HECTD4: variants seen among roughly 807,000 people sequenced by gnomAD.
HECTD4 encodes the protein probable E3 ubiquitin-protein ligase HECTD4.
HECTD4 carries 114 observed loss-of-function variants against 471.5 expected under a neutral mutation model. The observed-to-expected ratio is 0.24, with a 90% CI of 0.21 to 0.28. The LOEUF is 0.28. HECTD4 is among the 10% of genes least tolerant of loss of function. HECTD4 has a pLI of 1.00. For synonymous variants in HECTD4, 2,012 were observed against 2,256.0 expected, an observed-to-expected ratio of 0.89 and a Z score of 3.07; for missense variants, 3,866 against 5,651.5, an observed-to-expected ratio of 0.68 and a Z score of 10.13.
At chr12:112,259,002 G>T in intron 19 of HECTD4, 110 bp downstream of exon 19, 3 of 931,108 alleles carry the variant, frequency 3.2e-6, no homozygotes, top group East Asian at 2.7e-5. Context: ...ATTTCCCTTG[G>T]TTTCTGAAAG....
At chr12:112,218,541 C>G (rs2032997814) in intron 45 of HECTD4, among the ~76,000 whole-genome samples, 1 of 152,146 alleles carries the variant, frequency 6.6e-6, no homozygotes, top group South Asian at 2.1e-4. Context: ...CTTTCACTTA[C>G]TGTAATTTCA....
chr12:112,201,473 GA>G (rs59104653), intron 54 of HECTD4: 14,982 of 145,500 alleles, frequency 0.1, 1,940 homozygotes, highest in East Asian at 0.62. Flanking sequence ...GCCAATTACT[GA>G]AAAAAAAAAA....
rs2135686395 is a variant in HECTD4, at chr12:112,309,629, G to A, written c.957C>T (p.Tyr319=). 6.5e-7 allele frequency: 1 copy of A among 1,534,848 alleles called. No homozygotes were observed. Among genetic ancestry groups the A allele is most frequent in the African/African-American group, 1.4e-5 (1 of 73,100 alleles). ...TTCCAACTGAGTTAGTAGTATACAG[G>A]TAAAGACCATCTGCCGTGAGACAGC... is the stretch of plus-strand genomic sequence containing the variant. ...LGRCLTADGL[Y]LYTTNSVGRG... is the part of the protein sequence containing the mutation. The change falls in exon 5 of 76, where the codon TAC becomes TAT. Residue 319 remains tyrosine (Y), a synonymous_variant. Transcript: ENST00000682272.
rs1414685415 is a variant in HECTD4, at chr12:112,173,015, C to T, written c.11595-154G>A. On this transcript the variant is annotated intron_variant, in intron 66 of 75. Coordinates refer to ENST00000682272, the MANE Select transcript of HECTD4 (RefSeq NM_001388303.1). The surrounding 1 kb of genome is among the most constrained non-coding windows in gnomAD (Gnocchi z 4.3). Reference sequence around the variant, plus strand: ...TTGTTTCTTGGTGCCTGGACAGCTCCTCATGGGGAAAGCTCTTTCAAAAGA... The same window carrying T: ...TTGTTTCTTGGTGCCTGGACAGCTCTTCATGGGGAAAGCTCTTTCAAAAGA... Among the ~76,000 whole-genome samples the T allele has an allele frequency of 6.6e-6, 1 of 152,136 alleles. No individual in the cohort carries two copies. Among genetic ancestry groups the T allele is most frequent in the East Asian group, 1.9e-4 (1 of 5,178 alleles).
Position 112,228,029 on chromosome 12 carries a change from C to A in HECTD4, c.6854+60G>T. On this transcript the variant is annotated intron_variant, in intron 43 of 75. Transcript: ENST00000682272. The surrounding 1 kb of genome is among the most constrained non-coding windows in gnomAD (Gnocchi z 4.9). ...GGGAGTGGAGGGGCCCACCAAGGAT[C>A]CCTTCTTCTGTCAGCTTGCACCATG... The A allele has an allele frequency of 6.8e-7, 1 of 1,467,698 alleles. No homozygotes were observed. Among genetic ancestry groups the A allele is most frequent in the Non-Finnish European group, 9.1e-7 (1 of 1,100,772 alleles). 90.9% of individuals were successfully genotyped at this position (1,467,698 alleles called of 1,614,324 possible).
intron 20 of HECTD4, among the ~76,000 whole-genome samples, chr12:112,258,183 C>A: frequency 7.1e-6 from 1 of 141,730 alleles, no homozygotes; most frequent in Non-Finnish European, 1.5e-5. Context: ...AACAAGGCTC[C>A]ATCTCAGAAA....
chr12:112,231,546 G>A lies in HECTD4; in HGVS notation c.6167C>T (p.Ser2056Phe). ...TGDKKKTAQT[S>F]ICRERNSELA... ...CTCCGAGTTCCTCTCTCGGCAAATGGAAGTTTGGGCAGTTTTCTTTTTGTC... is the reference window on the plus strand; with the variant it reads ...CTCCGAGTTCCTCTCTCGGCAAATGAAAGTTTGGGCAGTTTTCTTTTTGTC... The change falls in exon 39 of 76, where the codon TCC becomes TTC. Residue 2056 changes from serine to phenylalanine, a missense_variant. By Grantham distance (155) the Ser-to-Phe change is radical (BLOSUM62 -2). Coordinates refer to ENST00000682272, the MANE Select transcript of HECTD4 (RefSeq NM_001388303.1). The A allele has an allele frequency of 6.2e-7, 1 of 1,614,026 alleles. No individual in the cohort carries two copies. The highest frequency in any genetic ancestry group is 8.5e-7 in the Non-Finnish European group (1 of 1,179,898).
chr12:112,171,467 C>T, intron 67 of HECTD4: 1 of 751,414 alleles, frequency 1.3e-6, no homozygotes, highest in Non-Finnish European at 2.1e-6. Context: ...GCCTGGCTGG[C>T]CAGATGGAGG....
intron 60 of HECTD4, among the ~76,000 whole-genome samples, chr12:112,186,679 TA>T (rs1229941023): frequency 6.7e-6 from 1 of 148,220 alleles, no homozygotes; most frequent in African/African-American, 2.5e-5. Context: ...TTTTTTTTTT[TA>T]AATTGAGACA....
At chr12:112,187,922 A>G (rs979682502) in intron 60 of HECTD4, among the ~76,000 whole-genome samples, 2 of 151,274 alleles carry the variant, frequency 1.3e-5, no homozygotes, top group Non-Finnish European at 2.9e-5. Context: ...CACTGTGCCC[A>G]GCCAAGGTTT....
At position 112,167,536 on chromosome 12, in the gene HECTD4, G is replaced by C. The variant is rs144292473; in HGVS notation, c.12315C>G (p.Gly4105=). 410 of 1,574,978 alleles carry C rather than the reference G, an allele frequency of 2.6e-4. 2 individuals are homozygous for C. In the African/African-American group the frequency reaches 4.8e-3, roughly 19 times the overall value. The part of the protein sequence containing the change: ...CPSSAVNKNK[G]KYILTPSPIT... ...TGGGGCTCGGGGTCAGGATATACTTGCCCTGGAAGTGGAGGTGGGCATGAG... is the reference window on the plus strand; with the variant it reads ...TGGGGCTCGGGGTCAGGATATACTTCCCCTGGAAGTGGAGGTGGGCATGAG... Residue 4105 remains glycine (G), a splice_region_variant and synonymous_variant, in exon 72 of 76, where the codon GGC becomes GGG. Transcript: ENST00000682272.
intron 9 of HECTD4, among the ~76,000 whole-genome samples, chr12:112,276,606 C>A (rs2034531648): frequency 6.6e-6 from 1 of 152,118 alleles, no homozygotes; most frequent in South Asian, 2.1e-4. Flanking sequence ...CGCCACCACG[C>A]CCAGCTAATT....
intron 22 of HECTD4, among the ~76,000 whole-genome samples, chr12:112,252,863 G>A (rs2033923198): frequency 6.6e-6 from 1 of 151,142 alleles, no homozygotes; most frequent in Admixed American, 6.6e-5. Context: ...GGGCTGGAGT[G>A]CAGTGGCACA....
intron 1 of HECTD4, among the ~76,000 whole-genome samples, chr12:112,335,459 G>A (rs1485031112): frequency 6.6e-6 from 1 of 152,118 alleles, no homozygotes; most frequent in Non-Finnish European, 1.5e-5. Flanking sequence ...TTGGGAGGCC[G>A]AGGTGGGCAG....
chr12:112,307,149 A>G (rs1566106445), intron 6 of HECTD4, among the ~76,000 whole-genome samples: 1 of 152,226 alleles, frequency 6.6e-6, no homozygotes, highest in Non-Finnish European at 1.5e-5. Flanking sequence ...GAGAACAGTG[A>G]GAACAATGTT....
Position 112,184,307 on chromosome 12 carries a change from CCCCAGGCTG to C in HECTD4, c.10650_10658del (p.Ser3551_Gly3553del), listed in dbSNP as rs541859196. 3.1e-4 allele frequency: 504 copies of C among 1,613,444 alleles called. No homozygotes were observed. The highest frequency in any genetic ancestry group is 1.5e-3 in the East Asian group (66 of 44,868). Reference sequence around the variant, plus strand: ...CCGTCTCTGCATTGTCCAGGGGCTCCCCCAGGCTGCCCAGGCTGCCCAGGCTGCCGGTGC... The same window carrying C: ...CCGTCTCTGCATTGTCCAGGGGCTCCCCCAGGCTGCCCAGGCTGCCGGTGC... On this transcript the variant is annotated inframe_deletion, in exon 61 of 76. Coordinates refer to ENST00000682272, the MANE Select transcript of HECTD4 (RefSeq NM_001388303.1). This position sits in a 1 kb window ranked among gnomAD's most constrained non-coding sequence, Gnocchi z 9.1.
chr12:112,195,307 G>A (rs553921588), intron 55 of HECTD4, among the ~76,000 whole-genome samples: 3 of 152,206 alleles, frequency 2.0e-5, no homozygotes, highest in East Asian at 3.9e-4. Context: ...ATACATGTCC[G>A]CACAAAAATT....
In HECTD4 at chr12:112,236,937, T is replaced by A; in HGVS notation, c.5444+8A>T. 6.3e-7 allele frequency: 1 copy of A among 1,598,286 alleles called. No individual in the cohort carries two copies. Among genetic ancestry groups the A allele is most frequent in the Non-Finnish European group, 8.5e-7 (1 of 1,170,328 alleles). On this transcript the variant is annotated splice_region_variant and intron_variant, in intron 35 of 75. Transcript: ENST00000682272. ...TTCTCCCAGAGCTCCAGGCTGGACC[T>A]TGCATACCTTGAGAGATCATTGAGA...
chr12:112,185,857 T>C (rs935980349), intron 60 of HECTD4, among the ~76,000 whole-genome samples: 1 of 152,252 alleles, frequency 6.6e-6, no homozygotes, highest in African/African-American at 2.4e-5. Flanking sequence ...GGATGCTTAC[T>C]ATGGGGCACA....
Sources: gnomAD v4.1 joint callset for allele counts (sites outside exome capture counted in the v4.1 genomes callset) on GRCh38, gnomAD v4.1.1 for gene constraint, Gnocchi (gnomAD v3.1) non-coding constraint, MANE v1.5 for transcripts, NCBI Gene and HGNC (gene_info 2026-07-23, HGNC 2026-07-21) for gene names.